Variants in OSBPL10 observed in about 807,000 individuals in gnomAD.
OSBPL10 encodes the protein oxysterol-binding protein-related protein 10.
In OSBPL10, 49 loss-of-function variants were observed where a neutral mutation model predicts 81.7. That is an observed-to-expected ratio of 0.60 (90% CI 0.48 to 0.76). The LOEUF (loss-of-function observed/expected upper bound fraction) is 0.76. OSBPL10 is among the 30% of genes least tolerant of loss of function. OSBPL10 has a pLI of 0.00. For synonymous variants in OSBPL10, 419 were observed against 383.6 expected, an observed-to-expected ratio of 1.09 and a Z score of -1.08; for missense variants, 923 against 987.8, an observed-to-expected ratio of 0.93 and a Z score of 0.88.
chr3:31,698,890 C>T (rs568837558), intron 7 of OSBPL10, among the ~76,000 whole-genome samples: 1 of 152,312 alleles, frequency 6.6e-6, no homozygotes. Flanking sequence ...ATCTCCATCT[C>T]CTTTTCTTTT....
chr3:32,075,528 G>C (rs984063012), intron 1 of OSBPL10, among the ~76,000 whole-genome samples: 1 of 151,960 alleles, frequency 6.6e-6, no homozygotes, highest in African/African-American at 2.4e-5. Flanking sequence ...CAGCATCCAG[G>C]CCATCACCAA....
intron 2 of OSBPL10, among the ~76,000 whole-genome samples, chr3:31,997,745 G>C (rs1268251720): frequency 6.6e-6 from 1 of 151,964 alleles, no homozygotes; most frequent in African/African-American, 2.4e-5. Context: ...CCTTGTCATG[G>C]AGCAACTTGC....
At chr3:31,943,967 C>CAAAAAAAAAAAAAAAAAAAAAAAAAAA (rs55770286) in intron 1 of OSBPL10, among the ~76,000 whole-genome samples, 3 of 37,778 alleles carry the variant, frequency 7.9e-5, no homozygotes, top group South Asian at 1.6e-3. Context: ...GACTCCGTCT[C>CAAAAAAAAAAAAAAAAAAAAAAAAAAA]AAAAAAAAAA....
chr3:31,671,315 C>A (rs1047883150), intron 8 of OSBPL10, among the ~76,000 whole-genome samples: 1 of 152,128 alleles, frequency 6.6e-6, no homozygotes, highest in Non-Finnish European at 1.5e-5. Context: ...AGAGACTGAC[C>A]TGGTAAGGGA....
chr3:31,750,165 G>A (rs1053668138), intron 4 of OSBPL10, among the ~76,000 whole-genome samples: 7 of 151,860 alleles, frequency 4.6e-5, no homozygotes, highest in African/African-American at 1.7e-4. Context: ...CTGGGCGACA[G>A]AGCAAGACTC....
At chr3:31,938,754 A>C (rs11710895) in intron 1 of OSBPL10, among the ~76,000 whole-genome samples, 4 of 151,916 alleles carry the variant, frequency 2.6e-5, no homozygotes, top group Non-Finnish European at 5.9e-5. Flanking sequence ...TCAGCCTCCT[A>C]AAGTGCTGAG....
chr3:31,998,684 A>G (rs779437862), intron 2 of OSBPL10, among the ~76,000 whole-genome samples: 1 of 152,168 alleles, frequency 6.6e-6, no homozygotes, highest in Non-Finnish European at 1.5e-5. Flanking sequence ...CCAATTGGCT[A>G]TCCATCAATT....
chr3:31,975,012 A>G (rs1172742060), intron 1 of OSBPL10, among the ~76,000 whole-genome samples: 3 of 152,236 alleles, frequency 2.0e-5, no homozygotes, highest in East Asian at 3.8e-4. Flanking sequence ...GAAATCACCC[A>G]TAATCCCACC....
chr3:31,766,329 G>GTTTTTTTTTTT (rs148986285), intron 4 of OSBPL10, among the ~76,000 whole-genome samples: 8 of 22,632 alleles, frequency 3.5e-4, no homozygotes, highest in African/African-American at 6.2e-4. Flanking sequence ...TAGTTTTTTT[G>GTTTTTTTTTTT]TTTTTTTGTT....
intron 2 of OSBPL10, chr3:31,990,930 C>T (rs775133032): frequency 2.0e-5 from 31 of 1,574,620 alleles, no homozygotes; most frequent in Middle Eastern, 1.7e-4. Flanking sequence ...GAATCCATAC[C>T]GGACAGAAAT....
intron 6 of OSBPL10, among the ~76,000 whole-genome samples, chr3:31,731,037 A>G (rs918647915): frequency 3.9e-5 from 6 of 152,214 alleles, no homozygotes; most frequent in African/African-American, 1.2e-4. Flanking sequence ...TCCACAATGT[A>G]CAGAAAGGAG....
intron 1 of OSBPL10, among the ~76,000 whole-genome samples, chr3:31,949,374 G>C (rs916580317): frequency 5.9e-5 from 9 of 152,054 alleles, no homozygotes; most frequent in African/African-American, 2.2e-4. Flanking sequence ...AATATAAAAG[G>C]ATACTGGGTT....
intron 2 of OSBPL10, among the ~76,000 whole-genome samples, chr3:32,041,581 G>C (rs983297517): frequency 6.6e-6 from 1 of 152,130 alleles, no homozygotes; most frequent in South Asian, 2.1e-4. Flanking sequence ...ATCTGAGCTG[G>C]CCAACATTGA....
intron 4 of OSBPL10, among the ~76,000 whole-genome samples, chr3:31,757,532 T>G (rs563295359): frequency 8.5e-4 from 129 of 152,348 alleles, no homozygotes; most frequent in African/African-American, 3.0e-3. Context: ...TGTGAGACAA[T>G]GAATTTCTGT....
intron 2 of OSBPL10, chr3:32,045,814 A>G (rs1699616043): frequency 6.6e-6 from 1 of 152,266 alleles, no homozygotes; most frequent in Non-Finnish European, 1.5e-5. Context: ...AGGTGTGAGC[A>G]GATGAAGCCT....
At chr3:31,954,982 A>G (rs1187581048) in intron 1 of OSBPL10, among the ~76,000 whole-genome samples, 1 of 152,238 alleles carries the variant, frequency 6.6e-6, no homozygotes, top group Non-Finnish European at 1.5e-5. Context: ...TGTTTACTGT[A>G]CAATTCTTTC....
chr3:31,761,813 TAAAAA>T (rs34579457), intron 4 of OSBPL10, among the ~76,000 whole-genome samples: 1 of 107,554 alleles, frequency 9.3e-6, no homozygotes, highest in Admixed American at 8.3e-5. Context: ...AGACTGTCTC[TAAAAA>T]AAAAAAAAAA....
intron 1 of OSBPL10, among the ~76,000 whole-genome samples, chr3:31,898,002 C>A: frequency 1.2e-5 from 1 of 81,256 alleles, no homozygotes; most frequent in Admixed American, 2.1e-4. Flanking sequence ...AGCGAGAACT[C>A]TGTCAAAAAA....
intron 1 of OSBPL10, among the ~76,000 whole-genome samples, chr3:31,886,713 G>A (rs1290993383): frequency 7.9e-5 from 12 of 152,154 alleles, no homozygotes; most frequent in African/African-American, 2.4e-4. Flanking sequence ...AGGCTGAGGC[G>A]GGCGGATCAC....
Sources: gnomAD v4.1 joint callset for allele counts (sites outside exome capture counted in the v4.1 genomes callset) on GRCh38, gnomAD v4.1.1 for gene constraint, MANE v1.5 for transcripts, NCBI Gene and HGNC (gene_info 2026-07-23, HGNC 2026-07-21) for gene names.